AOPEP: variants seen among roughly 807,000 people sequenced by gnomAD.
AOPEP encodes the protein aminopeptidase O.
A neutral mutation model predicts 98.1 loss-of-function variants in AOPEP; 77 were observed. The observed-to-expected ratio is 0.78, with a 90% CI of 0.65 to 0.95. The LOEUF (loss-of-function observed/expected upper bound fraction) is 0.95. Ranked by LOEUF, AOPEP falls within the 40% of genes least tolerant of loss-of-function variation. The pLI is 0.00. For synonymous variants in AOPEP, 346 were observed against 365.3 expected (o/e 0.95, Z 0.60); for missense variants, 1,024 against 1,024.7 (o/e 1.00, Z 0.01).
Position 94,760,216 on chromosome 9 carries a change from G to C in AOPEP, c.433G>C (p.Val145Leu). 12 of 1,614,184 alleles carry C rather than the reference G, an allele frequency of 7.4e-6. No individual in the cohort carries two copies. Among genetic ancestry groups the C allele is most frequent in the Non-Finnish European group, 1.0e-5 (12 of 1,180,038 alleles). ...TCATGGGAGTGAGGATTTTTTGCTA[G>C]TGTTGGACTGCTGTGATTTATCTGT... is the stretch of plus-strand genomic sequence containing the variant. ...GNHGSEDFLL[V>L]LDCCDLSVLK... Residue 145 changes from valine (V) to leucine (L), a missense_variant, in exon 2 of 17, where the codon GTG becomes CTG. Physicochemically the swap from Val to Leu is conservative, Grantham distance 32. Coordinates refer to ENST00000375315, the MANE Select transcript of AOPEP (RefSeq NM_001193329.3).
intron 1 of AOPEP, among the ~76,000 whole-genome samples, chr9:94,756,727 A>G (rs1436713278): frequency 6.6e-6 from 1 of 152,036 alleles, no homozygotes; most frequent in African/African-American, 2.4e-5. Flanking sequence ...AAATTTGGGA[A>G]GAAGAAACTG....
intron 5 of AOPEP, among the ~76,000 whole-genome samples, chr9:94,863,618 G>T (rs2045360234): frequency 6.6e-6 from 1 of 151,906 alleles, no homozygotes; most frequent in African/African-American, 2.4e-5. Flanking sequence ...GTTTTGCCAT[G>T]TTGGCCAGGC....
chr9:95,023,112 T>G (rs1210436681), intron 13 of AOPEP, among the ~76,000 whole-genome samples: 1 of 152,198 alleles, frequency 6.6e-6, no homozygotes, highest in Non-Finnish European at 1.5e-5. Flanking sequence ...GGGAAAACAT[T>G]TTGCACAGAG....
intron 11 of AOPEP, among the ~76,000 whole-genome samples, chr9:94,999,905 AT>A (rs1448106014): frequency 6.6e-6 from 1 of 152,116 alleles, no homozygotes; most frequent in Non-Finnish European, 1.5e-5. Context: ...AGAACTAAGC[AT>A]TGTACATGTT....
chr9:95,057,168 G>A (rs769397644), intron 13 of AOPEP, among the ~76,000 whole-genome samples: 44 of 152,184 alleles, frequency 2.9e-4, no homozygotes, highest in Admixed American at 1.3e-4. Flanking sequence ...ATGCTTGGAG[G>A]TAAGGTCCTT....
intron 5 of AOPEP, among the ~76,000 whole-genome samples, chr9:94,885,258 A>C (rs1192249561): frequency 7.0e-6 from 1 of 142,604 alleles, no homozygotes; most frequent in African/African-American, 2.6e-5. Context: ...CTGAAGTGGG[A>C]GGATCGCTTG....
Position 94,760,204 on chromosome 9 carries a change from G to A in AOPEP, c.421G>A (p.Asp141Asn). ...TGACACAGGGAATCATGGGAGTGAG[G>A]ATTTTTTGCTAGTGTTGGACTGCTG... is the stretch of plus-strand genomic sequence containing the variant. ...CCDTGNHGSEDFLLVLDCCDL... is the reference protein window; with the variant it reads ...CCDTGNHGSENFLLVLDCCDL... The change falls in exon 2 of 17, where the codon GAT becomes AAT. Residue 141 changes from aspartate to asparagine, a missense_variant. This residue lies in a region of AOPEP where 440 missense variants were observed against 433.8 expected (regional missense o/e 1.01). Coordinates refer to ENST00000375315, the MANE Select transcript of AOPEP (RefSeq NM_001193329.3). The A allele has an allele frequency of 6.2e-7, 1 of 1,614,176 alleles. No individual in the cohort carries two copies. Among genetic ancestry groups the A allele is most frequent in the Non-Finnish European group, 8.5e-7 (1 of 1,180,032 alleles).
the AOPEP span, among the ~76,000 whole-genome samples, chr9:95,104,633 T>C: frequency 9.9e-5 from 15 of 152,154 alleles, no homozygotes; most frequent in Non-Finnish European, 1.5e-4. Context: ...TCCGAGTAGA[T>C]GGAAACATGG....
At chr9:94,741,614 A>G (rs1833146862) in intron 1 of AOPEP, among the ~76,000 whole-genome samples, 4 of 152,060 alleles carry the variant, frequency 2.6e-5, no homozygotes, top group African/African-American at 9.7e-5. Context: ...ACATTAAATT[A>G]GCGCTTCAGG....
chr9:94,789,898 G>T (rs1845282707), intron 3 of AOPEP, among the ~76,000 whole-genome samples: 1 of 151,678 alleles, frequency 6.6e-6, no homozygotes, highest in Admixed American at 6.6e-5. Flanking sequence ...TTTTTAGACG[G>T]AGTCTCGCTC....
intron 14 of AOPEP, among the ~76,000 whole-genome samples, chr9:95,064,288 C>G (rs2067636787): frequency 6.6e-6 from 1 of 152,196 alleles, no homozygotes; most frequent in African/African-American, 2.4e-5. Flanking sequence ...TAGGTCTCCT[C>G]TACCTCTTTT....
At chr9:94,904,467 G>A (rs2050860756) in intron 5 of AOPEP, 1 of 152,018 alleles carries the variant, frequency 6.6e-6, no homozygotes, top group African/African-American at 2.4e-5. Flanking sequence ...TGTTTCTTTT[G>A]GGCTTTTTAA....
Position 95,087,027 on chromosome 9 carries a change from C to A in AOPEP, c.*350C>A. 1 of 802,532 alleles carries A rather than the reference C, an allele frequency of 1.2e-6. No homozygotes were observed. Among genetic ancestry groups the A allele is most frequent in the Non-Finnish European group, 1.5e-6 (1 of 662,528 alleles). The allele number at this position is 802,532 out of a possible 1,614,324, so 49.7% of individuals were successfully genotyped here. On this transcript the variant is annotated 3_prime_UTR_variant, in exon 17 of 17. Coordinates refer to ENST00000375315, the MANE Select transcript of AOPEP (RefSeq NM_001193329.3). ...TTACATTGGTCTGCTCAGCACATGG[C>A]TGGATGCGGATATTTCTATAATTCC...
At chr9:95,037,487 C>T (rs182402226) in intron 13 of AOPEP, among the ~76,000 whole-genome samples, 129 of 152,258 alleles carry the variant, frequency 8.5e-4, no homozygotes, top group Non-Finnish European at 1.6e-3. Flanking sequence ...CACCAAAGCT[C>T]GATGAATTCA....
chr9:95,037,542 A>G (rs1024710151), intron 13 of AOPEP, among the ~76,000 whole-genome samples: 37 of 152,334 alleles, frequency 2.4e-4, no homozygotes, highest in African/African-American at 8.4e-4. Context: ...CTCATAAGAT[A>G]TTCACATTTC....
the AOPEP span, among the ~76,000 whole-genome samples, chr9:95,094,977 GACC>G: frequency 6.6e-6 from 1 of 152,220 alleles, no homozygotes; most frequent in Non-Finnish European, 1.5e-5. Context: ...CATACACACA[GACC>G]ACGTTTCCTT....
intron 7 of AOPEP, among the ~76,000 whole-genome samples, chr9:94,950,383 C>T (rs973963156): frequency 1.3e-4 from 20 of 152,328 alleles, no homozygotes; most frequent in Admixed American, 1.1e-3. Flanking sequence ...GTGACTCTTA[C>T]TGTCACCTTT....
the AOPEP span, chr9:95,114,233 G>A: frequency 1.2e-5 from 4 of 320,684 alleles, no homozygotes; most frequent in Admixed American, 1.6e-4. Context: ...CCCTAGAGAG[G>A]TAGAGGGAAG....
At chr9:94,838,203 G>T (rs1400165796) in intron 5 of AOPEP, among the ~76,000 whole-genome samples, 1 of 152,102 alleles carries the variant, frequency 6.6e-6, no homozygotes, top group African/African-American at 2.4e-5. Context: ...TAGAGATGGG[G>T]TTTCACTGCA....
Sources: gnomAD v4.1 joint callset for allele counts (sites outside exome capture counted in the v4.1 genomes callset) on GRCh38, gnomAD v4.1.1 for gene constraint, gnomAD v4.1.1 regional missense constraint, MANE v1.5 for transcripts, NCBI Gene and HGNC (gene_info 2026-07-23, HGNC 2026-07-21) for gene names.